The following DAB2IP variants were observed in gnomAD, a reference collection of about 807,000 sequenced individuals.
DAB2IP encodes DAB2 interacting protein.
DAB2IP carries 28 observed loss-of-function variants against 107.2 expected under a neutral mutation model. The observed-to-expected ratio is 0.26, with a 90% CI of 0.19 to 0.36. DAB2IP has a LOEUF of 0.36. Among genes scored for constraint, DAB2IP ranks in the 10% least tolerant of loss-of-function variants. The pLI, the probability that DAB2IP is intolerant of heterozygous loss-of-function variation, is 1.00. For missense variants in DAB2IP, 1,400 were observed against 1,644.7 expected, an observed-to-expected ratio of 0.85 and a Z score of 2.57; for synonymous variants, 755 against 706.4, an observed-to-expected ratio of 1.07 and a Z score of -1.09.
At position 121,659,267 on chromosome 9, in the gene DAB2IP, T is replaced by C. The variant is rs114564884; in HGVS notation, c.124+7368T>C. Among the ~76,000 whole-genome samples the C allele has an allele frequency of 9.6e-3, 1,465 of 152,240 alleles. 28 individuals carry two copies. Among genetic ancestry groups the C allele is most frequent in the African/African-American group, 0.033 (1,376 of 41,532 alleles). ...GTTCGGAGACTGGAAACCAATAAAT[T>C]GGTAATCTGGAATAAGCTTGGTTTT... On this transcript the variant is annotated intron_variant, in intron 1 of 15. Transcript: ENST00000408936.
At position 121,572,283 on chromosome 9, in the gene DAB2IP, C is replaced by G. The variant is rs1315274900; in HGVS notation, c.40+5055C>G. On this transcript the variant is annotated intron_variant, in intron 1 of 16. Coordinates refer to the DAB2IP transcript ENST00000259371. ...CATTGTCTGCTCACCAGCCTGACTCCCACATGAGACTATAAGGCCCTTGAG... is the reference window on the plus strand; with the variant it reads ...CATTGTCTGCTCACCAGCCTGACTCGCACATGAGACTATAAGGCCCTTGAG... Among the ~76,000 whole-genome samples the G allele has an allele frequency of 2.6e-5, 4 of 152,224 alleles. No individual in the cohort carries two copies. In the South Asian group the frequency reaches 8.3e-4, roughly 32 times the overall value.
chr9:121,632,815 G>T (rs972794344), intron 1 of DAB2IP, among the ~76,000 whole-genome samples: 1 of 152,220 alleles, frequency 6.6e-6, no homozygotes, highest in African/African-American at 2.4e-5. Context: ...GTGAGCGCTG[G>T]AGCCTCCCTG....
intron 1 of DAB2IP, among the ~76,000 whole-genome samples, chr9:121,656,885 G>A (rs181489129): frequency 1.1e-4 from 16 of 152,368 alleles, no homozygotes; most frequent in Non-Finnish European, 5.9e-5. Flanking sequence ...CAGGTCCTGA[G>A]ATTCACCTTG....
chr9:121,743,852 C>T (rs2118904316), intron 3 of DAB2IP, among the ~76,000 whole-genome samples: 1 of 149,660 alleles, frequency 6.7e-6, no homozygotes, highest in East Asian at 1.9e-4. Flanking sequence ...GAGCTGGTCC[C>T]AGGAGGGACT....
At chr9:121,749,616 G>A (rs1832964048) in intron 3 of DAB2IP, among the ~76,000 whole-genome samples, 1 of 152,176 alleles carries the variant, frequency 6.6e-6, no homozygotes, top group African/African-American at 2.4e-5. Flanking sequence ...GGCTGTGCTT[G>A]GGAGTCCCAG....
Position 121,768,429 on chromosome 9 carries a change from C to T in DAB2IP, c.1698-3C>T, listed in dbSNP as rs2118997486. The T allele has an allele frequency of 3.1e-6, 5 of 1,614,170 alleles. No individual in the cohort carries two copies. In the East Asian group the frequency reaches 1.1e-4, roughly 36 times the overall value. ...AGTGCTCACCCAACTGCCCTCTCTC[C>T]AGATTTGGCAGCAAGGAGGAATACA... is the stretch of plus-strand genomic sequence containing the variant. On this transcript the variant is annotated splice_polypyrimidine_tract_variant and splice_region_variant and intron_variant, in intron 9 of 15. Coordinates refer to ENST00000408936, the Ensembl canonical transcript of DAB2IP.
chr9:121,623,014 G>A (rs753427514), intron 1 of DAB2IP, among the ~76,000 whole-genome samples: 1 of 152,148 alleles, frequency 6.6e-6, no homozygotes, highest in African/African-American at 2.4e-5. Context: ...GTGCACGTGG[G>A]GCACCCTGGG....
At chr9:121,712,229 T>C (rs776308898) in intron 3 of DAB2IP, among the ~76,000 whole-genome samples, 1 of 151,916 alleles carries the variant, frequency 6.6e-6, no homozygotes, top group Non-Finnish European at 1.5e-5. Context: ...TGAGGGGTAG[T>C]GTGTGCTTTC....
At chr9:121,678,251 A>G (rs572284597) in intron 1 of DAB2IP, among the ~76,000 whole-genome samples, 8 of 152,382 alleles carry the variant, frequency 5.2e-5, no homozygotes, top group African/African-American at 1.9e-4. Context: ...ATCATACAAA[A>G]TATGTCCTTT....
Position 121,782,467 on chromosome 9 carries a change from A to G in DAB2IP, c.3539A>G (p.Asn1180Ser), listed in dbSNP as rs1564238471. 1 of 1,614,054 alleles carries G rather than the reference A, an allele frequency of 6.2e-7. No homozygotes were observed. The highest frequency in any genetic ancestry group is 1.7e-5 in the Admixed American group (1 of 60,010). ...CCCACCAAATTGCAGATTACTGAGA[A>G]CGGCGAGTTCAGAAACAGCAGCAAT... The change falls in exon 16 of 16, where the codon AAC (asparagine) becomes AGC (serine). Residue 1180 changes from asparagine (N) to serine (S), a missense_variant. Coordinates refer to ENST00000408936, the Ensembl canonical transcript of DAB2IP. This position sits in a 1 kb window ranked among gnomAD's most constrained non-coding sequence, Gnocchi z 6.1.
At chr9:121,750,330 C>CGT (rs146292721) in intron 3 of DAB2IP, among the ~76,000 whole-genome samples, 4,803 of 152,042 alleles carry the variant, frequency 0.032, 218 homozygotes, top group East Asian at 0.24. Context: ...TGCGCGCGCG[C>CGT]GTGTGTGTGT....
chr9:121,609,799 G>A (rs1831025885), intron 1 of DAB2IP, among the ~76,000 whole-genome samples: 1 of 152,236 alleles, frequency 6.6e-6, no homozygotes, highest in Non-Finnish European at 1.5e-5. Context: ...GTCCTTGGCT[G>A]CAACATCACC....
chr9:121,778,343 A>G (rs576945172), intron 14 of DAB2IP, among the ~76,000 whole-genome samples: 9 of 152,340 alleles, frequency 5.9e-5, no homozygotes, highest in East Asian at 3.9e-4. Context: ...AGAAGGTGAC[A>G]CAAACATTCA....
intron 1 of DAB2IP, among the ~76,000 whole-genome samples, chr9:121,570,138 G>T (rs1303426914): frequency 7.6e-6 from 1 of 132,184 alleles, no homozygotes; most frequent in East Asian, 2.1e-4. Context: ...TTGAGATGGG[G>T]TCTTACTCTG....
At chr9:121,589,356 G>A (rs1564686843) in intron 1 of DAB2IP, among the ~76,000 whole-genome samples, 1 of 152,094 alleles carries the variant, frequency 6.6e-6, no homozygotes, top group Non-Finnish European at 1.5e-5. Context: ...ATACTTGACT[G>A]TAATTCCCTG....
At chr9:121,615,684 T>C (rs1407735791) in intron 1 of DAB2IP, among the ~76,000 whole-genome samples, 1 of 151,652 alleles carries the variant, frequency 6.6e-6, no homozygotes, top group Non-Finnish European at 1.5e-5. Flanking sequence ...CAGAGTGCAG[T>C]GGCACAATCT....
chr9:121,573,916 G>A (rs1830003728), intron 1 of DAB2IP, among the ~76,000 whole-genome samples: 1 of 152,074 alleles, frequency 6.6e-6, no homozygotes, highest in Non-Finnish European at 1.5e-5. Context: ...CTGTGCCTGT[G>A]GAAAATCCTC....
intron 1 of DAB2IP, among the ~76,000 whole-genome samples, chr9:121,653,086 C>T (rs1286807642): frequency 6.6e-6 from 1 of 152,110 alleles, no homozygotes; most frequent in South Asian, 2.1e-4. Context: ...TCCCCCCACT[C>T]CTGCCTTTCC....
chr9:121,611,096 C>G lies in DAB2IP; in HGVS notation c.40+43868C>G, dbSNP rs142399322. 9.3e-3 allele frequency among the ~76,000 whole-genome samples: 1,420 copies of G among 152,220 alleles called. 16 individuals carry two copies. The highest frequency in any genetic ancestry group is 0.03 in the African/African-American group (1,247 of 41,526). The stretch of plus-strand genomic sequence containing the variant: ...GTTCAAGCAATTCTCCTGCCTGAGC[C>G]CCCTGAGTAGCTGGGATTACAGGTG... On this transcript the variant is annotated intron_variant, in intron 1 of 16. Coordinates refer to the DAB2IP transcript ENST00000259371.
Sources: allele counts gnomAD v4.1 joint callset (sites outside exome capture counted in the v4.1 genomes callset), GRCh38; gene constraint gnomAD v4.1.1; non-coding constraint Gnocchi (gnomAD v3.1); transcripts MANE v1.5; gene names NCBI Gene and HGNC (gene_info 2026-07-23, HGNC 2026-07-21).